Variants in TBX1 observed in about 807,000 individuals in gnomAD.
The protein encoded by TBX1 is T-box transcription factor TBX1.
In TBX1, 16 loss-of-function variants were observed where a neutral mutation model predicts 40.8. That is an observed-to-expected ratio of 0.39 (90% CI 0.27 to 0.60). The LOEUF (loss-of-function observed/expected upper bound fraction) is 0.60, where lower values mean the gene tolerates loss of function less well. Ranked by LOEUF, TBX1 falls within the 20% of genes least tolerant of loss-of-function variation. The probability of loss-of-function intolerance (pLI) is 0.51; values close to 1 mark genes in which losing one functional copy is unlikely to be tolerated. For synonymous variants in TBX1, 403 were observed against 336.8 expected (o/e 1.20, Z -2.15); for missense variants, 755 against 728.5 (o/e 1.04, Z -0.42).
downstream of TBX1, among the ~76,000 whole-genome samples, chr22:19,779,864 C>G (rs997326973): frequency 3.3e-5 from 5 of 152,244 alleles, no homozygotes; most frequent in African/African-American, 1.2e-4. Context: ...CCACATCACT[C>G]GGGAAAAGCC....
At chr22:19,769,829 C>T (rs1936958294), downstream of TBX1, among the ~76,000 whole-genome samples, 1 of 152,254 alleles carries the variant, frequency 6.6e-6, no homozygotes, top group Admixed American at 6.5e-5. Flanking sequence ...TGCTCACAGA[C>T]CTCCAGCCTC....
In TBX1 at chr22:19,766,370, T is replaced by C; in HGVS notation, c.1037-19T>C. On this transcript the variant is annotated intron_variant, in intron 6 of 6. Transcript: ENST00000649276. ...GGCGGCCCCGGCCGGCCGCGCTCAC[T>C]CCTCGGCCCTCTCCGCAGACGCGGC... 2 of 1,290,058 alleles carry C rather than the reference T, an allele frequency of 1.6e-6. No individual in the cohort carries two copies. The highest frequency in any genetic ancestry group is 2.0e-6 in the Non-Finnish European group (2 of 1,018,192). The allele number at this position is 1,290,058 out of a possible 1,614,324, so 79.9% of individuals were successfully genotyped here. A position where few individuals can be genotyped will look rare whatever the true frequency, so the allele number is the denominator to read the frequency against.
chr22:19,771,094 C>T (rs953708520), downstream of TBX1, among the ~76,000 whole-genome samples: 9 of 152,254 alleles, frequency 5.9e-5, no homozygotes, highest in Admixed American at 2.6e-4. Flanking sequence ...TCCAATGAGG[C>T]GGTGTGCTCG....
downstream of TBX1, among the ~76,000 whole-genome samples, chr22:19,771,200 AG>A (rs1936984753): frequency 6.6e-6 from 1 of 152,220 alleles, no homozygotes; most frequent in African/African-American, 2.4e-5. Flanking sequence ...AGCCTGGCCA[AG>A]GAGCAGGTGG....
chr22:19,764,789 ACAGCCTCCT>A (rs1457900773), intron 3 of TBX1, among the ~76,000 whole-genome samples, 160 bp from the exon 4 acceptor site: 5 of 152,210 alleles, frequency 3.3e-5, no homozygotes, highest in Admixed American at 2.0e-4. Flanking sequence ...CCAATGGGTC[ACAGCCTCCT>A]CTTGGCCCAG....
At chr22:19,776,953 AGGGCCAGCACAC>A (rs1229619250) in intron 8 of TBX1, among the ~76,000 whole-genome samples, 4 of 152,046 alleles carry the variant, frequency 2.6e-5, no homozygotes, top group Non-Finnish European at 5.9e-5. Flanking sequence ...GCAGGCAGGA[AGGGCCAGCACAC>A]GGGGTGGGAG....
At chr22:19,779,122 T>G in intron 8 of TBX1, 1 of 1,424,882 alleles carries the variant, frequency 7.0e-7, no homozygotes, top group Non-Finnish European at 9.8e-7. Flanking sequence ...TCCATGCGGT[T>G]CAGACACTGG....
exon 9 of TBX1, chr22:19,779,510 A>T: frequency 6.4e-7 from 1 of 1,566,038 alleles, no homozygotes; most frequent in Non-Finnish European, 8.6e-7. Context: ...TTGTTCAGTA[A>T]ATTCCAATAT....
chr22:19,763,452 G>C (rs1026526797), intron 2 of TBX1, 110 bp downstream of exon 2: 2 of 974,800 alleles, frequency 2.1e-6, no homozygotes, highest in Non-Finnish European at 3.2e-6. Flanking sequence ...AACTCTTTAG[G>C]CACCTGCGAT....
At chr22:19,770,678 G>A (rs1936975101), downstream of TBX1, among the ~76,000 whole-genome samples, 1 of 152,220 alleles carries the variant, frequency 6.6e-6, no homozygotes, top group Non-Finnish European at 1.5e-5. Flanking sequence ...TCCATGGGGT[G>A]TGTGGGATCC....
In TBX1 at chr22:19,764,038, G is replaced by A. The variant is rs1268045302; in HGVS notation, c.540-117G>A. The stretch of plus-strand genomic sequence containing the variant: ...CTCCCAGCACATGCGGCAGCAGAGG[G>A]TTCAATCTCACAGGTGGGGAAACTT... On this transcript the variant is annotated intron_variant, in intron 2 of 6. Transcript: ENST00000649276. 8.6e-6 allele frequency: 10 copies of A among 1,164,770 alleles called. No homozygotes were observed. In the Admixed American group the frequency reaches 2.0e-4, roughly 23 times the overall value. The allele number at this position is 1,164,770 out of a possible 1,614,324, so 72.2% of individuals were successfully genotyped here.
chr22:19,772,805 C>T (rs1937009853), intron 8 of TBX1, among the ~76,000 whole-genome samples: 1 of 152,210 alleles, frequency 6.6e-6, no homozygotes, highest in Non-Finnish European at 1.5e-5. Context: ...GTGGTTTGGA[C>T]CTTCAGCCAT....
chr22:19,783,465 A>C (rs1436649676), downstream of TBX1: 1 of 275,554 alleles, frequency 3.6e-6, no homozygotes, highest in Non-Finnish European at 7.1e-6. Context: ...CAGGAGGATC[A>C]CTTGAGCCTA....
downstream of TBX1, among the ~76,000 whole-genome samples, chr22:19,779,865 G>T (rs1011761774): frequency 6.6e-6 from 1 of 152,198 alleles, no homozygotes; most frequent in African/African-American, 2.4e-5. Context: ...CACATCACTC[G>T]GGAAAAGCCC....
rs1009463279 is a variant in TBX1, at chr22:19,761,056, C to CCCG, written c.227_229dup (p.Pro76dup). 6.2e-4 allele frequency: 553 copies of CCCG among 896,898 alleles called. 5 individuals carry two copies. In the African/African-American group the frequency reaches 9.2e-3, roughly 15 times the overall value. The allele number at this position is 896,898 out of a possible 1,614,324, so 55.6% of individuals were successfully genotyped here. On this transcript the variant is annotated inframe_insertion, in exon 1 of 7. Coordinates refer to ENST00000649276, the MANE Select transcript of TBX1 (RefSeq NM_001379200.1). ...CCGCCGCCGCCCCCGGCGCCCCGGG[C>CCCG]CCGCCGCCGCCGCCGCACGCCTACC...
downstream of TBX1, among the ~76,000 whole-genome samples, chr22:19,771,728 G>GT (rs1347093120): frequency 6.6e-6 from 1 of 152,152 alleles, no homozygotes. Context: ...GGTGCACAGG[G>GT]TTTTTTGCCT....
downstream of TBX1, among the ~76,000 whole-genome samples, chr22:19,780,425 G>A (rs947554830): frequency 5.3e-5 from 8 of 152,158 alleles, no homozygotes; most frequent in Non-Finnish European, 8.8e-5. Context: ...AGGTTCATCC[G>A]TGTTCTAGCC....
At chr22:19,773,776 C>T (rs999187266) in intron 8 of TBX1, among the ~76,000 whole-genome samples, 1 of 152,224 alleles carries the variant, frequency 6.6e-6, no homozygotes, top group African/African-American at 2.4e-5. Context: ...GGAGTGGTCT[C>T]AGGGTGGGCC....
At chr22:19,757,908 T>C (rs1340144235), upstream of TBX1, among the ~76,000 whole-genome samples, 1 of 152,206 alleles carries the variant, frequency 6.6e-6, no homozygotes, top group African/African-American at 2.4e-5. Flanking sequence ...GCTTCCCTTT[T>C]CTGACATGGC....
Sources: gnomAD v4.1 joint callset for allele counts (sites outside exome capture counted in the v4.1 genomes callset) on GRCh38, gnomAD v4.1.1 for gene constraint, MANE v1.5 for transcripts, NCBI Gene and HGNC (gene_info 2026-07-23, HGNC 2026-07-21) for gene names.